The following NAV2 variants were observed in gnomAD, a reference collection of about 807,000 sequenced individuals.
NAV2 encodes the protein helicase, APC down-regulated 1.
Under a neutral mutation model 223.2 loss-of-function variants are expected in NAV2, and 54 were observed. The observed-to-expected ratio is 0.24, with a 90% CI of 0.19 to 0.30. The LOEUF is 0.30. NAV2 is among the 10% of genes least tolerant of loss of function. NAV2 has a pLI of 1.00. For missense variants in NAV2, 2,806 were observed against 3,147.5 expected (o/e 0.89, Z 2.60); for synonymous variants, 1,279 against 1,239.3 (o/e 1.03, Z -0.67).
At chr11:19,982,149 A>T (rs2050351682) in intron 10 of NAV2, among the ~76,000 whole-genome samples, 1 of 152,150 alleles carries the variant, frequency 6.6e-6, no homozygotes, top group Non-Finnish European at 1.5e-5. Context: ...TAATTATTTA[A>T]CTATAGCTGT....
At position 19,555,406 on chromosome 11, in the gene NAV2, G is replaced by A. The variant is rs911417000; in HGVS notation, c.75+204379G>A. ...TTCATCCAGTGCAATTCCTGGGGAC[G>A]AACTAGCCATAAACCAACAGCAGCC... On this transcript the variant is annotated intron_variant, in intron 1 of 37. Coordinates refer to the NAV2 transcript ENST00000360655. Among the ~76,000 whole-genome samples the A allele has an allele frequency of 4.6e-5, 7 of 152,064 alleles. 2 individuals carry two copies. The highest frequency in any genetic ancestry group is 3.3e-4 in the Admixed American group (5 of 15,286).
chr11:19,355,462 A>G (rs1006757360), intron 1 of NAV2, among the ~76,000 whole-genome samples: 8 of 152,128 alleles, frequency 5.3e-5, no homozygotes, highest in African/African-American at 1.9e-4. Flanking sequence ...CCTGCCCTTC[A>G]AAGGGTAATA....
At chr11:20,060,802 T>C (rs1156919720) in intron 19 of NAV2, among the ~76,000 whole-genome samples, 1 of 152,196 alleles carries the variant, frequency 6.6e-6, no homozygotes, top group Non-Finnish European at 1.5e-5. Context: ...AAGTACTGTC[T>C]AGGGCAAGCT....
At chr11:19,900,795 T>G (rs1159809070) in intron 6 of NAV2, among the ~76,000 whole-genome samples, 1 of 152,204 alleles carries the variant, frequency 6.6e-6, no homozygotes, top group African/African-American at 2.4e-5. Context: ...CTTAGTAATA[T>G]AGTGGGCATT....
chr11:19,496,408 T>G (rs1487015640), intron 1 of NAV2, among the ~76,000 whole-genome samples: 1 of 152,218 alleles, frequency 6.6e-6, no homozygotes, highest in East Asian at 1.9e-4. Flanking sequence ...GAGGCTTGAC[T>G]GGGGCTGGAG....
Position 20,077,673 on chromosome 11 carries a change from A to G in NAV2, c.5067+38A>G, listed in dbSNP as rs765256963. The G allele has an allele frequency of 1.1e-5, 17 of 1,484,116 alleles. No homozygotes were observed. The East Asian group carries it at 3.8e-4, about 34-fold the overall frequency. 91.9% of individuals were successfully genotyped at this position (1,484,116 alleles called of 1,614,324 possible). ...GGATACTTTAACCCTCCCTACTTGGAGTTAACAACAAACTTGAAAATACTA... is the reference window on the plus strand; with the variant it reads ...GGATACTTTAACCCTCCCTACTTGGGGTTAACAACAAACTTGAAAATACTA... On this transcript the variant is annotated intron_variant, in intron 23 of 37. Coordinates refer to ENST00000349880, the MANE Select transcript of NAV2 (RefSeq NM_145117.5).
intron 6 of NAV2, among the ~76,000 whole-genome samples, chr11:19,924,182 C>T (rs1173877625): frequency 1.3e-5 from 2 of 151,840 alleles, no homozygotes; most frequent in African/African-American, 2.4e-5. Flanking sequence ...AGCAAGTTAA[C>T]CTTTGTTTAG....
At chr11:19,402,837 C>T (rs1849743665) in intron 1 of NAV2, among the ~76,000 whole-genome samples, 1 of 152,082 alleles carries the variant, frequency 6.6e-6, no homozygotes, top group Non-Finnish European at 1.5e-5. Flanking sequence ...TATTTGTGAA[C>T]TGAATGTATG....
chr11:19,915,702 C>A (rs995937883), intron 6 of NAV2, among the ~76,000 whole-genome samples: 3 of 152,212 alleles, frequency 2.0e-5, no homozygotes, highest in Non-Finnish European at 4.4e-5. Flanking sequence ...AGTTCTCCTG[C>A]ACCCTATTCT....
At chr11:19,629,851 G>A (rs7116289) in intron 1 of NAV2, among the ~76,000 whole-genome samples, 17,544 of 152,110 alleles carry the variant, frequency 0.12, 2,759 homozygotes, top group African/African-American at 0.36. Context: ...TGGAATGGCC[G>A]CATCAACCCT....
At chr11:19,841,045 C>A (rs2060484778) in intron 2 of NAV2, among the ~76,000 whole-genome samples, 1 of 152,168 alleles carries the variant, frequency 6.6e-6, no homozygotes, top group Non-Finnish European at 1.5e-5. Flanking sequence ...TTTCATGGCA[C>A]CTCTTTTGGG....
At chr11:19,851,140 G>A (rs1179714545) in intron 3 of NAV2, among the ~76,000 whole-genome samples, 3 of 152,152 alleles carry the variant, frequency 2.0e-5, no homozygotes, top group African/African-American at 4.8e-5. Context: ...AATTGTGATT[G>A]CCATTTTATA....
At chr11:19,581,451 T>C (rs1180311218) in intron 1 of NAV2, among the ~76,000 whole-genome samples, 2 of 152,190 alleles carry the variant, frequency 1.3e-5, no homozygotes, top group African/African-American at 4.8e-5. Flanking sequence ...ACATGTGCCA[T>C]GTTGGTGTGC....
intron 11 of NAV2, among the ~76,000 whole-genome samples, chr11:20,010,273 TG>T (rs145719136): frequency 0.069 from 10,557 of 152,180 alleles, 408 homozygotes; most frequent in South Asian, 0.11. Flanking sequence ...TAAGAAGGAC[TG>T]GGGGGAAAAT....
intron 8 of NAV2, among the ~76,000 whole-genome samples, chr11:19,944,421 C>T (rs575712566): frequency 1.3e-5 from 2 of 152,116 alleles, no homozygotes; most frequent in East Asian, 3.9e-4. Flanking sequence ...CTTTTCTTTT[C>T]TTCTCTTTTC....
At chr11:19,521,929 G>A (rs2043670319) in intron 1 of NAV2, among the ~76,000 whole-genome samples, 1 of 152,214 alleles carries the variant, frequency 6.6e-6, no homozygotes. Context: ...TGCTCTGAGA[G>A]GCAGAATTTG....
At chr11:19,578,266 A>G (rs886159276) in intron 1 of NAV2, among the ~76,000 whole-genome samples, 2 of 152,234 alleles carry the variant, frequency 1.3e-5, no homozygotes, top group Non-Finnish European at 2.9e-5. Context: ...GTGCTGCTGT[A>G]GCTGCTGTAA....
upstream of NAV2, among the ~76,000 whole-genome samples, chr11:19,709,325 G>T (rs375699506): frequency 6.6e-6 from 1 of 151,472 alleles, no homozygotes; most frequent in African/African-American, 2.4e-5. Flanking sequence ...GGCGAATCAC[G>T]AGGTCAGGAG....
Position 19,934,170 on chromosome 11 carries a change from C to T in NAV2, c.1926C>T (p.Val642=), listed in dbSNP as rs143425335. The change falls in exon 7 of 38, where the codon GTC becomes GTT. Residue 642 remains valine, a synonymous_variant. Transcript: ENST00000349880. ...SISSQTVSGS[V]GTTQTTGSNT... The stretch of plus-strand genomic sequence containing the variant: ...GCAGCCAGACTGTCAGTGGGTCTGT[C>T]GGGACCACCCAGACCACAGGAAGCA... 20 of 1,613,824 alleles carry T rather than the reference C, an allele frequency of 1.2e-5. No homozygotes were observed. Among genetic ancestry groups the T allele is most frequent in the East Asian group, 2.2e-5 (1 of 44,880 alleles).
Sources: allele counts gnomAD v4.1 joint callset (sites outside exome capture counted in the v4.1 genomes callset), GRCh38; gene constraint gnomAD v4.1.1; transcripts MANE v1.5; gene names NCBI Gene and HGNC (gene_info 2026-07-23, HGNC 2026-07-21).